The following GRIK2 variants were observed in gnomAD, a reference collection of about 807,000 sequenced individuals.
The protein encoded by GRIK2 is glutamate receptor ionotropic, kainate 2.
A neutral mutation model predicts 100.3 loss-of-function variants in GRIK2; 32 were observed. The ratio of observed to expected loss-of-function variants is 0.32; its 90% confidence interval spans 0.24 to 0.43. The LOEUF (loss-of-function observed/expected upper bound fraction) is 0.43. Ranked by LOEUF, GRIK2 falls within the 20% of genes least tolerant of loss-of-function variation. The pLI is 1.00. For synonymous variants in GRIK2, 417 were observed against 389.4 expected, an observed-to-expected ratio of 1.07 and a Z score of -0.83; for missense variants, 843 against 1,114.9, an observed-to-expected ratio of 0.76 and a Z score of 3.47.
rs1251140694 is a variant in GRIK2, at chr6:101,403,316, T to C, written c.115+3924T>C. ...GCATATGGTAGGCCATGTCTTCCCT[T>C]CTGATGTTTCGACCTAACTTTTCTC... On this transcript the variant is annotated intron_variant, in intron 2 of 16. Coordinates refer to ENST00000369134, the MANE Select transcript of GRIK2 (RefSeq NM_021956.5). 2.0e-5 allele frequency among the ~76,000 whole-genome samples: 3 copies of C among 152,198 alleles called. No individual in the cohort carries two copies. In the East Asian group the frequency reaches 5.8e-4, roughly 29 times the overall value.
intron 2 of GRIK2, among the ~76,000 whole-genome samples, chr6:101,431,933 G>T (rs1432755111): frequency 6.6e-6 from 1 of 152,092 alleles, no homozygotes; most frequent in Non-Finnish European, 1.5e-5. Context: ...TCCATGAGAT[G>T]TGTTCCCAAC....
chr6:102,052,078 T>G (rs1210801455), intron 15 of GRIK2, among the ~76,000 whole-genome samples: 1 of 152,188 alleles, frequency 6.6e-6, no homozygotes, highest in African/African-American at 2.4e-5. Context: ...AATGGAAGAT[T>G]CTTTCGTTCT....
intron 14 of GRIK2, among the ~76,000 whole-genome samples, chr6:101,931,750 AG>A (rs1405799842): frequency 1.3e-5 from 2 of 152,146 alleles, no homozygotes; most frequent in African/African-American, 4.8e-5. Flanking sequence ...TCAAAATAGG[AG>A]ATAGTGGTTC....
intron 2 of GRIK2, among the ~76,000 whole-genome samples, chr6:101,492,103 C>T (rs1014676488): frequency 6.6e-6 from 1 of 151,784 alleles, no homozygotes; most frequent in Non-Finnish European, 1.5e-5. Context: ...AATAAATGTA[C>T]TTATTATTGC....
intron 12 of GRIK2, among the ~76,000 whole-genome samples, chr6:101,897,359 G>A (rs1562472576): frequency 1.3e-5 from 2 of 151,222 alleles, no homozygotes; most frequent in African/African-American, 4.9e-5. Flanking sequence ...ATGTTTTGTT[G>A]TTTCTAGATA....
chr6:101,566,105 G>T (rs538011069), intron 2 of GRIK2, among the ~76,000 whole-genome samples: 1 of 151,382 alleles, frequency 6.6e-6, no homozygotes, highest in Non-Finnish European at 1.5e-5. Context: ...GAAGAGGAGG[G>T]GTTGGTCTTG....
At chr6:101,743,948 C>CT (rs934084238) in intron 7 of GRIK2, among the ~76,000 whole-genome samples, 2 of 151,732 alleles carry the variant, frequency 1.3e-5, no homozygotes, top group African/African-American at 4.8e-5. Context: ...AATATGTAGT[C>CT]TTTTTTTATT....
chr6:101,928,636 A>G lies in GRIK2; in HGVS notation c.2085+4A>G. On this transcript the variant is annotated splice_donor_region_variant and intron_variant, in intron 14 of 16. Coordinates refer to ENST00000369134, the MANE Select transcript of GRIK2 (RefSeq NM_021956.5). The stretch of plus-strand genomic sequence containing the variant: ...TGCAACCATGACTTTTTTCAAGGTA[A>G]GTTCTGCTGGTTACCTAAAATTTAC... 1 of 1,440,892 alleles carries G rather than the reference A, an allele frequency of 6.9e-7. No homozygotes were observed. The highest frequency in any genetic ancestry group is 1.1e-5 in the South Asian group (1 of 87,328). The allele number at this position is 1,440,892 out of a possible 1,614,324, so 89.3% of individuals were successfully genotyped here. A position where few individuals can be genotyped will look rare whatever the true frequency, so the allele number is the denominator to read the frequency against.
chr6:101,591,460 C>T (rs1296464013), intron 2 of GRIK2, among the ~76,000 whole-genome samples: 1 of 151,836 alleles, frequency 6.6e-6, no homozygotes, highest in Non-Finnish European at 1.5e-5. Context: ...CTCATGTTTC[C>T]AATGAAATAT....
At chr6:102,015,669 A>G (rs1795798690) in intron 14 of GRIK2, among the ~76,000 whole-genome samples, 1 of 152,172 alleles carries the variant, frequency 6.6e-6, no homozygotes. Context: ...TGCTGCTGCT[A>G]CTGCTTCTGG....
chr6:101,876,056 A>G (rs1242745329), intron 11 of GRIK2, among the ~76,000 whole-genome samples: 2 of 151,500 alleles, frequency 1.3e-5, no homozygotes, highest in African/African-American at 4.8e-5. Context: ...CTTGGGATCA[A>G]CATTACAAAT....
chr6:102,030,187 G>A (rs1053303456), intron 14 of GRIK2, among the ~76,000 whole-genome samples: 6 of 151,132 alleles, frequency 4.0e-5, no homozygotes, highest in African/African-American at 1.2e-4. Flanking sequence ...GTTACCAGGG[G>A]TTTGAGGGGA....
intron 4 of GRIK2, among the ~76,000 whole-genome samples, chr6:101,648,303 C>T (rs944178561): frequency 6.6e-6 from 1 of 151,928 alleles, no homozygotes; most frequent in Admixed American, 6.6e-5. Context: ...ACACTAAATG[C>T]CTGTCACTGT....
intron 2 of GRIK2, among the ~76,000 whole-genome samples, chr6:101,525,322 G>A (rs1168188803): frequency 6.6e-6 from 1 of 152,170 alleles, no homozygotes; most frequent in Non-Finnish European, 1.5e-5. Context: ...TACTCATCTT[G>A]GAGGCTAATA....
chr6:101,480,711 A>T (rs1406606762), intron 2 of GRIK2, among the ~76,000 whole-genome samples: 6 of 152,182 alleles, frequency 3.9e-5, no homozygotes, highest in African/African-American at 1.4e-4. Context: ...TCAAGATTGT[A>T]CTAGATGCTA....
At chr6:101,994,582 A>G (rs1794552483) in intron 14 of GRIK2, among the ~76,000 whole-genome samples, 1 of 151,810 alleles carries the variant, frequency 6.6e-6, no homozygotes, top group Non-Finnish European at 1.5e-5. Context: ...AAGAGTTAGT[A>G]TTCTGACTTA....
chr6:101,858,610 T>C lies in GRIK2; in HGVS notation c.1318-677T>C, dbSNP rs1025576577. On this transcript the variant is annotated intron_variant, in intron 10 of 16. Transcript: ENST00000369134. ...TTCACCGTGTTAGCCAGGATGGTCT[T>C]GATCTCCTGACCTCGTGATCTGCCC... 3.4e-4 allele frequency among the ~76,000 whole-genome samples: 51 copies of C among 151,906 alleles called. 1 individual carries two copies. The highest frequency in any genetic ancestry group is 6.8e-3 in the Middle Eastern group (2 of 292).
chr6:101,413,641 A>C (rs1775980544), intron 2 of GRIK2, among the ~76,000 whole-genome samples: 1 of 152,094 alleles, frequency 6.6e-6, no homozygotes. Flanking sequence ...ATCAAGATGT[A>C]TATGTTTCAG....
intron 7 of GRIK2, among the ~76,000 whole-genome samples, chr6:101,785,456 T>C (rs1188175017): frequency 1.3e-5 from 2 of 152,172 alleles, no homozygotes; most frequent in Admixed American, 1.3e-4. Context: ...TCAGAACTTA[T>C]ATTTAAGACT....
Sources: allele counts gnomAD v4.1 joint callset (sites outside exome capture counted in the v4.1 genomes callset), GRCh38; gene constraint gnomAD v4.1.1; transcripts MANE v1.5; gene names NCBI Gene and HGNC (gene_info 2026-07-23, HGNC 2026-07-21).